ZFHX4: variants seen among roughly 807,000 people sequenced by gnomAD.
ZFHX4 encodes zinc finger homeobox protein 4.
Under a neutral mutation model 267.6 loss-of-function variants are expected in ZFHX4, and 56 were observed. The observed-to-expected ratio is 0.21, with a 90% CI of 0.17 to 0.26. ZFHX4 has a LOEUF of 0.26. Ranked by LOEUF, ZFHX4 falls within the 10% of genes least tolerant of loss-of-function variation. ZFHX4 has a pLI of 1.00. For missense variants in ZFHX4, 4,332 were observed against 4,420.0 expected (o/e 0.98, Z 0.56); for synonymous variants, 1,778 against 1,665.6 (o/e 1.07, Z -1.64).
intron 4 of ZFHX4, among the ~76,000 whole-genome samples, chr8:76,783,821 C>T (rs1444771714): frequency 6.6e-6 from 1 of 151,862 alleles, no homozygotes; most frequent in Non-Finnish European, 1.5e-5. Flanking sequence ...TTCCAGTTGT[C>T]AACATTGTAA....
chr8:76,702,204 T>A lies in ZFHX4; in HGVS notation c.-46-1839T>A, dbSNP rs562507257. On this transcript the variant is annotated intron_variant, in intron 1 of 10. Coordinates refer to ENST00000651372, the MANE Select transcript of ZFHX4 (RefSeq NM_024721.5). ...GCTCATCAATGATTAAAATTAAAAT[T>A]ACACACTAGGGTTTGTGATGTTTGA... Among the ~76,000 whole-genome samples, 328 of 152,280 alleles carry A rather than the reference T, an allele frequency of 2.2e-3. 1 individual carries two copies. The highest frequency in any genetic ancestry group is 7.5e-3 in the African/African-American group (311 of 41,572).
chr8:76,778,516 C>A, intron 4 of ZFHX4, 77 bp downstream of exon 4: 3 of 1,168,340 alleles, frequency 2.6e-6, no homozygotes, highest in South Asian at 1.3e-5. Flanking sequence ...CACAAACACA[C>A]ACACACACGC....
In ZFHX4 at chr8:76,854,201, C is replaced by T. The variant is rs760554402; in HGVS notation, c.7280C>T (p.Pro2427Leu). Reference protein sequence around the residue: ...DPSPPSQGTKPALPLASTSSD... With the variant: ...DPSPPSQGTKLALPLASTSSD... ...TCTCCCCCTTCTCAAGGCACCAAACCAGCCCTGCCATTAGCATCGACTTCC... is the reference window on the plus strand; with the variant it reads ...TCTCCCCCTTCTCAAGGCACCAAACTAGCCCTGCCATTAGCATCGACTTCC... The change falls in exon 10 of 11, where the codon CCA becomes CTA. Residue 2427 changes from proline to leucine, a missense_variant. Pro to Leu is a moderately conservative substitution (Grantham distance 98). Coordinates refer to ENST00000651372, the MANE Select transcript of ZFHX4 (RefSeq NM_024721.5). The T allele has an allele frequency of 6.4e-7, 1 of 1,566,540 alleles. No individual in the cohort carries two copies. Among genetic ancestry groups the T allele is most frequent in the South Asian group, 1.2e-5 (1 of 86,508 alleles).
chr8:76,783,996 A>G (rs1810620845), intron 4 of ZFHX4, among the ~76,000 whole-genome samples: 1 of 152,026 alleles, frequency 6.6e-6, no homozygotes, highest in South Asian at 2.1e-4. Context: ...AAATAATACA[A>G]TGATGGTAAT....
chr8:76,769,948 G>A (rs1279551043), intron 3 of ZFHX4, among the ~76,000 whole-genome samples: 2 of 152,102 alleles, frequency 1.3e-5, no homozygotes, highest in African/African-American at 2.4e-5. Flanking sequence ...GAAACTGTGG[G>A]AGCTGCTGCC....
chr8:76,796,345 C>G (rs181894918), intron 4 of ZFHX4, among the ~76,000 whole-genome samples: 1 of 152,154 alleles, frequency 6.6e-6, no homozygotes, highest in African/African-American at 2.4e-5. Flanking sequence ...GAGATAGATG[C>G]TAACACTTAA....
chr8:76,858,690 T>C (rs1341238348), intron 10 of ZFHX4, among the ~76,000 whole-genome samples: 1 of 152,326 alleles, frequency 6.6e-6, no homozygotes, highest in East Asian at 1.9e-4. Context: ...CCATGATCAT[T>C]TTCTACTGTA....
At chr8:76,791,588 T>C (rs1452535630) in intron 4 of ZFHX4, among the ~76,000 whole-genome samples, 1 of 152,154 alleles carries the variant, frequency 6.6e-6, no homozygotes, top group East Asian at 1.9e-4. Context: ...CTGTACAAAG[T>C]ACTGAACTTA....
At chr8:76,771,240 T>G (rs1810255492) in intron 3 of ZFHX4, among the ~76,000 whole-genome samples, 1 of 152,154 alleles carries the variant, frequency 6.6e-6, no homozygotes, top group African/African-American at 2.4e-5. Flanking sequence ...GCCCTTATAC[T>G]ACCTGAAATT....
rs1282075517 is a variant in ZFHX4 at position 76,849,691 on chromosome 8, T to G, written c.3825T>G (p.Cys1275Trp). The G allele has an allele frequency of 6.2e-7, 1 of 1,613,876 alleles. No homozygotes were observed. Among genetic ancestry groups the G allele is most frequent in the Non-Finnish European group, 8.5e-7 (1 of 1,179,842 alleles). ...LTHLHSVSPD[C>W]VEKLLMTVPV... is the part of the protein sequence containing the mutation. Reference sequence around the variant, plus strand: ...ATTTGCACAGTGTGTCTCCAGACTGTGTGGAGAAGCTGCTTATGACAGTAA... The same window carrying G: ...ATTTGCACAGTGTGTCTCCAGACTGGGTGGAGAAGCTGCTTATGACAGTAA... Residue 1275 changes from cysteine to tryptophan, a missense_variant, in exon 8 of 11, where the codon TGT becomes TGG. Cys to Trp is a radical substitution (Grantham distance 215). This residue lies in a region of ZFHX4 where 1,371 missense variants were observed against 1,423.1 expected (regional missense o/e 0.96). Coordinates refer to ENST00000651372, the MANE Select transcript of ZFHX4 (RefSeq NM_024721.5).
chr8:76,710,514 T>C (rs1273887538), intron 3 of ZFHX4, among the ~76,000 whole-genome samples: 2 of 152,160 alleles, frequency 1.3e-5, no homozygotes, highest in Non-Finnish European at 2.9e-5. Flanking sequence ...ATGGTGAAAA[T>C]ATTAAAATTA....
chr8:76,729,553 A>G (rs1808943954), intron 3 of ZFHX4, among the ~76,000 whole-genome samples: 1 of 152,156 alleles, frequency 6.6e-6, no homozygotes, highest in African/African-American at 2.4e-5. Context: ...TATTATTCCA[A>G]TTAATTGGAA....
intron 4 of ZFHX4, among the ~76,000 whole-genome samples, chr8:76,794,395 G>T (rs1229046498): frequency 1.3e-5 from 2 of 152,136 alleles, no homozygotes; most frequent in East Asian, 3.9e-4. Context: ...TGCATTTCAT[G>T]TATAAGAAGA....
chr8:76,852,209 G>A lies in ZFHX4; in HGVS notation c.5288G>A (p.Gly1763Glu). The change falls in exon 10 of 11, where the codon GGG becomes GAG. Residue 1763 changes from glycine (G) to glutamate (E), a missense_variant. By Grantham distance (98) the Gly-to-Glu change is moderately conservative (BLOSUM62 -2). Around this residue, in one of 7 missense-constraint regions of ZFHX4, gnomAD observed 1,371 missense variants for 1,423.1 expected, o/e 0.96. Transcript: ENST00000651372. Reference sequence around the variant, plus strand: ...GGCTTGCCAGGCTCTGCCACATTTGGGATGCCTGGCATGACAGGAATGGCT... The same window carrying A: ...GGCTTGCCAGGCTCTGCCACATTTGAGATGCCTGGCATGACAGGAATGGCT... ...DLGLPGSATF[G>E]MPGMTGMAGS... 1.2e-6 allele frequency: 2 copies of A among 1,613,654 alleles called. No homozygotes were observed. The highest frequency in any genetic ancestry group is 1.7e-6 in the Non-Finnish European group (2 of 1,179,762).
intron 4 of ZFHX4, among the ~76,000 whole-genome samples, chr8:76,807,736 T>C (rs988257691): frequency 1.3e-5 from 2 of 152,170 alleles, no homozygotes; most frequent in African/African-American, 2.4e-5. Context: ...TCTTCTGATA[T>C]AATGTTAGAA....
intron 10 of ZFHX4, among the ~76,000 whole-genome samples, chr8:76,857,354 T>TTATATATATATATATATATATA (rs10576780): frequency 7.0e-6 from 1 of 143,430 alleles, no homozygotes; most frequent in Non-Finnish European, 1.5e-5. Context: ...TTCACTAATT[T>TTATATATATATATATATATATA]TATATATATA....
At chr8:76,717,172 AT>A (rs766695226) in intron 3 of ZFHX4, among the ~76,000 whole-genome samples, 1 of 152,202 alleles carries the variant, frequency 6.6e-6, no homozygotes, top group Admixed American at 6.5e-5. Context: ...ATTTAAAAAA[AT>A]CATCTTGTTT....
chr8:76,750,735 G>A (rs1246039202), intron 3 of ZFHX4, among the ~76,000 whole-genome samples: 1 of 151,676 alleles, frequency 6.6e-6, no homozygotes, highest in African/African-American at 2.4e-5. Flanking sequence ...ATTAAATATA[G>A]CAGTTAACAA....
chr8:76,742,535 T>G (rs1246686267), intron 3 of ZFHX4, among the ~76,000 whole-genome samples: 1 of 152,186 alleles, frequency 6.6e-6, no homozygotes, highest in Non-Finnish European at 1.5e-5. Flanking sequence ...ATCTGTTCAT[T>G]TAATGCATAA....
Sources: allele counts gnomAD v4.1 joint callset (sites outside exome capture counted in the v4.1 genomes callset), GRCh38; gene constraint gnomAD v4.1.1; regional missense constraint gnomAD v4.1.1; transcripts MANE v1.5; gene names NCBI Gene and HGNC (gene_info 2026-07-23, HGNC 2026-07-21).